ZNF248: variants seen among roughly 807,000 people sequenced by gnomAD.
The protein encoded by ZNF248 is KRAB protein domain.
In ZNF248, 20 loss-of-function variants were observed where a neutral mutation model predicts 44.3. The observed-to-expected ratio is 0.45, with a 90% CI of 0.32 to 0.66. The LOEUF (loss-of-function observed/expected upper bound fraction) is 0.66, where lower values mean the gene tolerates loss of function less well. Among genes scored for constraint, ZNF248 ranks in the 30% least tolerant of loss-of-function variants. The probability of loss-of-function intolerance (pLI) is 0.04; values close to 1 mark genes in which losing one functional copy is unlikely to be tolerated. For missense variants in ZNF248, 654 were observed against 677.0 expected (o/e 0.97, Z 0.38); for synonymous variants, 224 against 229.0 (o/e 0.98, Z 0.20).
intron 3 of ZNF248, among the ~76,000 whole-genome samples, chr10:37,852,780 A>G (rs1269799026): frequency 6.6e-6 from 1 of 151,364 alleles, no homozygotes; most frequent in East Asian, 1.9e-4. Context: ...TTGTGTTTTT[A>G]TTTAATTTAG....
At position 37,792,943 on chromosome 10, in the gene ZNF248, T is replaced by C. The variant is rs2048729404; in HGVS notation, c.331-16368A>G. The stretch of plus-strand genomic sequence containing the variant: ...GTGTTGTACCCATGTTAATTTCTTA[T>C]TTTGACGTATATGCCAAGGTTGTAT... On this transcript the variant is annotated intron_variant, in intron 6 of 6. Transcript: ENST00000615949. Among the ~76,000 whole-genome samples, 4 of 152,300 alleles carry C rather than the reference T, an allele frequency of 2.6e-5. No individual in the cohort carries two copies. The South Asian group carries it at 8.3e-4, about 32-fold the overall frequency.
At chr10:37,773,307 T>G (rs1024067635), downstream of ZNF248, among the ~76,000 whole-genome samples, 1 of 152,176 alleles carries the variant, frequency 6.6e-6, no homozygotes, top group African/African-American at 2.4e-5. Flanking sequence ...TTTGGAGACA[T>G]TGGAGATTAT....
At chr10:37,777,576 G>A (rs2046733040) in intron 6 of ZNF248, among the ~76,000 whole-genome samples, 1 of 145,298 alleles carries the variant, frequency 6.9e-6, no homozygotes, top group Admixed American at 7.0e-5. Flanking sequence ...GGGTACATGT[G>A]CACATTGTGC....
downstream of ZNF248, chr10:37,776,392 G>T (rs1209756347): frequency 2.6e-6 from 1 of 385,184 alleles, no homozygotes; most frequent in African/African-American, 2.1e-5. Context: ...GCAGGAGGAA[G>T]AATTACTTCA....
chr10:37,828,391 G>A (rs938362684), downstream of ZNF248, among the ~76,000 whole-genome samples: 8 of 151,990 alleles, frequency 5.3e-5, no homozygotes, highest in Admixed American at 3.3e-4. Flanking sequence ...TTTTTGTGTT[G>A]TGGACTGACT....
chr10:37,767,745 A>T, the ZNF248 span, among the ~76,000 whole-genome samples: 1 of 152,238 alleles, frequency 6.6e-6, no homozygotes, highest in East Asian at 1.9e-4. Context: ...AGCTAACATC[A>T]TAATGACAGA....
intron 6 of ZNF248, among the ~76,000 whole-genome samples, chr10:37,804,912 T>G (rs561510551): frequency 3.5e-4 from 53 of 152,332 alleles, no homozygotes; most frequent in African/African-American, 1.3e-3. Flanking sequence ...TATTTATACT[T>G]TATTTTGTAT....
rs2055259768 is a variant in ZNF248, at chr10:37,830,221, C to A, written c.*1394G>T. ...AACCTTTGCATAATTTATGTAAAAA[C>A]CATTCTTATTAACAACATTTACATT... On this transcript the variant is annotated 3_prime_UTR_variant, in exon 6 of 6. Coordinates refer to ENST00000395867, the MANE Select transcript of ZNF248 (RefSeq NM_021045.3). 2.0e-6 allele frequency: 2 copies of A among 985,356 alleles called. No homozygotes were observed. The highest frequency in any genetic ancestry group is 9.4e-5 in the South Asian group (2 of 21,284). 61.0% of individuals were successfully genotyped at this position (985,356 alleles called of 1,614,324 possible).
In ZNF248 at chr10:37,790,295, C is replaced by G. The variant is rs142917518; in HGVS notation, c.331-13720G>C. 4.7e-4 allele frequency among the ~76,000 whole-genome samples: 67 copies of G among 144,036 alleles called. 1 individual carries two copies. In the East Asian group the frequency reaches 0.013, roughly 29 times the overall value. 94.5% of individuals were successfully genotyped at this position (144,036 alleles called of 152,430 possible). On this transcript the variant is annotated intron_variant, in intron 6 of 6. Coordinates refer to the ZNF248 transcript ENST00000615949. ...CAAAAAAAAAAAAAAAAAAAAGTAACTAGGGCTGGGAATGGTGGCTCATGC... is the reference window on the plus strand; with the variant it reads ...CAAAAAAAAAAAAAAAAAAAAGTAAGTAGGGCTGGGAATGGTGGCTCATGC...
At chr10:37,769,337 C>G in the ZNF248 span, among the ~76,000 whole-genome samples, 18 of 152,130 alleles carry the variant, frequency 1.2e-4, no homozygotes, top group Non-Finnish European at 2.2e-4. Flanking sequence ...AATTTTAGAC[C>G]AATATCCTTG....
intron 6 of ZNF248, chr10:37,794,730 T>G (rs1196317062): frequency 6.1e-6 from 1 of 163,208 alleles, no homozygotes; most frequent in African/African-American, 2.4e-5. Flanking sequence ...TGTCCCACAT[T>G]CAGTACATTC....
chr10:37,803,393 G>A (rs1053083393), intron 6 of ZNF248: 4 of 152,230 alleles, frequency 2.6e-5, no homozygotes, highest in African/African-American at 7.2e-5. Flanking sequence ...GCAGTGACGT[G>A]TCCTCTCCTG....
At chr10:37,844,215 G>A (rs1391139770) in intron 3 of ZNF248, among the ~76,000 whole-genome samples, 2 of 151,862 alleles carry the variant, frequency 1.3e-5, no homozygotes, top group Non-Finnish European at 2.9e-5. Context: ...GTTAAGAGGG[G>A]AAAAAACAAA....
At chr10:37,799,466 G>A (rs1205967516) in intron 6 of ZNF248, among the ~76,000 whole-genome samples, 1 of 152,192 alleles carries the variant, frequency 6.6e-6, no homozygotes, top group Non-Finnish European at 1.5e-5. Context: ...GGCTGAAGCA[G>A]GAGAATTGCT....
the ZNF248 span, among the ~76,000 whole-genome samples, chr10:37,762,306 TTAAC>T: frequency 1.7e-4 from 26 of 152,336 alleles, 1 homozygote; most frequent in African/African-American, 5.1e-4. Flanking sequence ...CTTTACTAAA[TTAAC>T]TAATCCTTAC....
chr10:37,769,599 A>G, the ZNF248 span, among the ~76,000 whole-genome samples: 1 of 152,216 alleles, frequency 6.6e-6, no homozygotes, highest in Non-Finnish European at 1.5e-5. Flanking sequence ...CTCTCAATAA[A>G]TTAAGTATTG....
chr10:37,808,024 CAT>C (rs1217909804), intron 6 of ZNF248, among the ~76,000 whole-genome samples: 19 of 152,212 alleles, frequency 1.2e-4, no homozygotes, highest in East Asian at 3.9e-4. Context: ...ATTTCTTACA[CAT>C]GTTGATTTAT....
At chr10:37,773,510 T>A (rs941938676), downstream of ZNF248, among the ~76,000 whole-genome samples, 19 of 152,132 alleles carry the variant, frequency 1.2e-4, no homozygotes, top group Non-Finnish European at 7.4e-5. Flanking sequence ...AAAAATAGAA[T>A]CACTATATGT....
At chr10:37,820,645 G>A (rs1148277) in intron 6 of ZNF248, 112,438 of 1,515,008 alleles carry the variant, frequency 0.074, 4,783 homozygotes, top group Non-Finnish European at 0.087. Context: ...CATGTGGTTC[G>A]GCTTTTCTTT....
Sources: gnomAD v4.1 joint callset for allele counts (sites outside exome capture counted in the v4.1 genomes callset) on GRCh38, gnomAD v4.1.1 for gene constraint, MANE v1.5 for transcripts, NCBI Gene and HGNC (gene_info 2026-07-23, HGNC 2026-07-21) for gene names.